The following ZCCHC7 variants were observed in gnomAD, a reference collection of about 807,000 sequenced individuals.
The protein encoded by ZCCHC7 is zinc finger CCHC-type containing 7, also known as zinc finger CCHC domain-containing protein 7.
Under a neutral mutation model 52.0 loss-of-function variants are expected in ZCCHC7, and 35 were observed. The ratio of observed to expected loss-of-function variants is 0.67; its 90% CI spans 0.51 to 0.89. The LOEUF (loss-of-function observed/expected upper bound fraction) is 0.89, where lower values mean the gene tolerates loss of function less well. Among genes scored for constraint, ZCCHC7 ranks in the 40% least tolerant of loss-of-function variants. The pLI is 0.00. For synonymous variants in ZCCHC7, 217 were observed against 221.5 expected (o/e 0.98, Z 0.18); for missense variants, 574 against 649.1 (o/e 0.88, Z 1.26).
At chr9:37,293,763 G>A (rs936589837) in intron 2 of ZCCHC7, among the ~76,000 whole-genome samples, 4 of 152,034 alleles carry the variant, frequency 2.6e-5, no homozygotes, top group African/African-American at 4.8e-5. Context: ...CTGACTGAAC[G>A]TTTGGGACAG....
rs147016619 is a variant in ZCCHC7, at chr9:37,304,166, T to A, written c.655-22T>A. On this transcript the variant is annotated intron_variant, in intron 3 of 8. Coordinates refer to ENST00000336755, the MANE Select transcript of ZCCHC7 (RefSeq NM_032226.3). The stretch of plus-strand genomic sequence containing the variant: ...TTAGCAGTGAAACAATTTTTTTAAT[T>A]CTTGATTTTTTTTTCCCTTAGGCCC... 6.8e-5 allele frequency: 106 copies of A among 1,549,630 alleles called. No homozygotes were observed. In the African/African-American group the frequency reaches 7.1e-4, roughly 10 times the overall value.
intron 2 of ZCCHC7, among the ~76,000 whole-genome samples, chr9:37,238,981 A>G (rs1384911890): frequency 6.6e-6 from 1 of 152,166 alleles, no homozygotes; most frequent in Non-Finnish European, 1.5e-5. Context: ...CATATAGCTT[A>G]GGACTCTATA....
chr9:37,246,330 T>C (rs1214167813), intron 2 of ZCCHC7, among the ~76,000 whole-genome samples: 2 of 152,260 alleles, frequency 1.3e-5, no homozygotes, highest in African/African-American at 4.8e-5. Context: ...AAGCTAGATA[T>C]ATAGATTAGG....
intron 2 of ZCCHC7, among the ~76,000 whole-genome samples, chr9:37,256,225 T>C (rs1410999830): frequency 6.6e-6 from 1 of 152,162 alleles, no homozygotes; most frequent in Non-Finnish European, 1.5e-5. Flanking sequence ...CAAAAACACA[T>C]GCCAAGTGTT....
chr9:37,354,768 A>G lies in ZCCHC7; in HGVS notation c.1142A>G (p.Tyr381Cys), dbSNP rs1211826383. ...PSPVSPFICY[Y>C]DDKYEIQERE... The stretch of plus-strand genomic sequence containing the variant: ...CCAGTATCTCCATTCATCTGCTACT[A>G]TGATGACAAATATGAAATTCAGGAG... Residue 381 changes from tyrosine to cysteine, a missense_variant, in exon 8 of 9, where the codon TAT (tyrosine) becomes TGT (cysteine). Coordinates refer to ENST00000336755, the MANE Select transcript of ZCCHC7 (RefSeq NM_032226.3). The surrounding 1 kb of genome is among the most constrained non-coding windows in gnomAD (Gnocchi z 4.0). The G allele has an allele frequency of 3.7e-6, 6 of 1,613,358 alleles. No homozygotes were observed. The highest frequency in any genetic ancestry group is 5.1e-6 in the Non-Finnish European group (6 of 1,179,546).
intron 2 of ZCCHC7, among the ~76,000 whole-genome samples, chr9:37,228,195 C>A (rs1293647008): frequency 6.6e-6 from 1 of 152,062 alleles, no homozygotes; most frequent in Non-Finnish European, 1.5e-5. Flanking sequence ...AAACTAATGA[C>A]AAATCAGATC....
intron 2 of ZCCHC7, among the ~76,000 whole-genome samples, chr9:37,233,200 C>T (rs1588522807): frequency 6.6e-6 from 1 of 152,052 alleles, no homozygotes; most frequent in South Asian, 2.1e-4. Flanking sequence ...TAAGCCATAC[C>T]CACCAGACAT....
At chr9:37,165,448 G>GT (rs1379717304) in intron 2 of ZCCHC7, among the ~76,000 whole-genome samples, 1 of 151,990 alleles carries the variant, frequency 6.6e-6, no homozygotes, top group East Asian at 1.9e-4. Flanking sequence ...TTAGCTGTAG[G>GT]TTTTTTGTAG....
intron 1 of ZCCHC7, among the ~76,000 whole-genome samples, chr9:37,122,414 T>C (rs2132660873): frequency 6.6e-6 from 1 of 152,352 alleles, no homozygotes; most frequent in East Asian, 1.9e-4. Flanking sequence ...GAAACATCTT[T>C]TCTGGTCATG....
chr9:37,265,211 A>G (rs1161804641), intron 2 of ZCCHC7, among the ~76,000 whole-genome samples: 1 of 152,222 alleles, frequency 6.6e-6, no homozygotes, highest in Non-Finnish European at 1.5e-5. Context: ...GAATCCTTTT[A>G]CATTTGCCTT....
At chr9:37,194,949 T>C (rs1229620548) in intron 2 of ZCCHC7, among the ~76,000 whole-genome samples, 6 of 132,006 alleles carry the variant, frequency 4.5e-5, no homozygotes, top group Admixed American at 1.4e-4. Context: ...TCTTTTTTCT[T>C]TTTTTTTTTT....
intron 5 of ZCCHC7, among the ~76,000 whole-genome samples, chr9:37,317,594 A>T (rs1829878112): frequency 6.6e-6 from 1 of 152,166 alleles, no homozygotes; most frequent in African/African-American, 2.4e-5. Flanking sequence ...TTTTTAAATT[A>T]TAGTAATGTG....
chr9:37,280,238 G>A (rs1016457322), intron 2 of ZCCHC7, among the ~76,000 whole-genome samples: 3 of 152,182 alleles, frequency 2.0e-5, no homozygotes, highest in African/African-American at 7.2e-5. Flanking sequence ...AAAATTTGAC[G>A]GGATTAAAGG....
At chr9:37,215,388 G>A (rs992863745) in intron 2 of ZCCHC7, among the ~76,000 whole-genome samples, 15 of 152,032 alleles carry the variant, frequency 9.9e-5, no homozygotes, top group East Asian at 1.9e-4. Context: ...TCCTCATTTC[G>A]AAAGATAATA....
At chr9:37,204,865 G>A (rs1823821829) in intron 2 of ZCCHC7, among the ~76,000 whole-genome samples, 2 of 152,166 alleles carry the variant, frequency 1.3e-5, no homozygotes, top group Non-Finnish European at 2.9e-5. Flanking sequence ...CTAAGCATGG[G>A]CTTTTCAGTT....
chr9:37,254,489 G>T lies in ZCCHC7; in HGVS notation c.611-47699G>T, dbSNP rs1826477121. ...GACTCCCACAAAAAAAAAGATGAGA[G>T]TGGGGTGTTGACTAGAGAGCTCCAA... is the stretch of plus-strand genomic sequence containing the variant. On this transcript the variant is annotated intron_variant, in intron 2 of 8. Coordinates refer to ENST00000336755, the MANE Select transcript of ZCCHC7 (RefSeq NM_032226.3). Among the ~76,000 whole-genome samples the T allele has an allele frequency of 3.9e-5, 6 of 151,958 alleles. No homozygotes were observed. In the South Asian group the frequency reaches 1.2e-3, roughly 31 times the overall value.
At chr9:37,180,398 A>T (rs1324272235) in intron 2 of ZCCHC7, among the ~76,000 whole-genome samples, 1 of 152,030 alleles carries the variant, frequency 6.6e-6, no homozygotes, top group East Asian at 1.9e-4. Context: ...AAAAAAATAG[A>T]TTCAGAAAAT....
chr9:37,208,817 A>G (rs1001455031), intron 2 of ZCCHC7, among the ~76,000 whole-genome samples: 3 of 152,088 alleles, frequency 2.0e-5, no homozygotes, highest in Non-Finnish European at 2.9e-5. Flanking sequence ...GGTCCTTTTA[A>G]CACATAAATC....
At chr9:37,213,239 C>G (rs951267955) in intron 2 of ZCCHC7, among the ~76,000 whole-genome samples, 2 of 152,094 alleles carry the variant, frequency 1.3e-5, no homozygotes, top group Non-Finnish European at 2.9e-5. Context: ...TTCCTCCACA[C>G]AATTTTGAAG....
Sources: allele counts gnomAD v4.1 joint callset (sites outside exome capture counted in the v4.1 genomes callset), GRCh38; gene constraint gnomAD v4.1.1; non-coding constraint Gnocchi (gnomAD v3.1); transcripts MANE v1.5; gene names NCBI Gene and HGNC (gene_info 2026-07-23, HGNC 2026-07-21).